The following FJX1 variants were observed in gnomAD, a reference collection of about 807,000 sequenced individuals.
FJX1 encodes four-jointed box protein 1.
FJX1 carries 21 observed loss-of-function variants against 28.7 expected under a neutral mutation model. The observed-to-expected ratio is 0.73, with a 90% CI of 0.52 to 1.05. The LOEUF is 1.05. Among genes scored for constraint, FJX1 ranks in the 50% least tolerant of loss-of-function variants. FJX1 has a pLI of 0.00. For missense variants in FJX1, 683 were observed against 647.2 expected (o/e 1.06, Z -0.60); for synonymous variants, 363 against 310.0 (o/e 1.17, Z -1.80).
rs888120065 is a variant in FJX1, at chr11:35,618,738, C to T, written c.102C>T (p.Thr34=). The T allele has an allele frequency of 1.6e-6, 2 of 1,253,914 alleles. No individual in the cohort carries two copies. The highest frequency in any genetic ancestry group is 6.4e-5 in the Admixed American group (2 of 31,122). The allele number at this position is 1,253,914 out of a possible 1,614,324, so 77.7% of individuals were successfully genotyped here. Residue 34 remains threonine, a synonymous_variant, in exon 1 of 1, where the codon ACC becomes ACT. Transcript: ENST00000317811. The surrounding 1 kb of genome is among the most constrained non-coding windows in gnomAD (Gnocchi z 4.2). ...GGGGAGGGCTCCTGCCGCCGCGGAC[C>T]GAGCTGCCCGCCTCCCGGCCGCCCG... ...ALWGGLLPPR[T]ELPASRPPED...
rs1850883253 is a variant in FJX1, at chr11:35,620,172, C to T, written c.*222C>T. On this transcript the variant is annotated 3_prime_UTR_variant, in exon 1 of 1. Coordinates refer to ENST00000317811, the MANE Select transcript of FJX1 (RefSeq NM_014344.4). The stretch of plus-strand genomic sequence containing the variant: ...TCACCGAGGCGAGAAGTGTAACATT[C>T]TCTCCACCCAGCTTATAAAAGGATT... The T allele has an allele frequency of 1.5e-6, 1 of 658,432 alleles. No individual in the cohort carries two copies. The highest frequency in any genetic ancestry group is 2.9e-5 in the East Asian group (1 of 34,970). The allele number at this position is 658,432 out of a possible 1,614,324, so 40.8% of individuals were successfully genotyped here. A position where few individuals can be genotyped will look rare whatever the true frequency, so the allele number is the denominator to read the frequency against.
Position 35,618,888 on chromosome 11 carries a change from C to A in FJX1, c.252C>A (p.Leu84=). The A allele has an allele frequency of 7.2e-7, 1 of 1,385,584 alleles. No homozygotes were observed. The highest frequency in any genetic ancestry group is 1.6e-5 in the South Asian group (1 of 61,478). 85.8% of individuals were successfully genotyped at this position (1,385,584 alleles called of 1,614,324 possible). A position where few individuals can be genotyped will look rare whatever the true frequency, so the allele number is the denominator to read the frequency against. Residue 84 remains leucine (L), a synonymous_variant, in exon 1 of 1, where the codon CTC becomes CTA. Coordinates refer to ENST00000317811, the MANE Select transcript of FJX1 (RefSeq NM_014344.4). The surrounding 1 kb of genome is among the most constrained non-coding windows in gnomAD (Gnocchi z 4.2). ...GGSLKTFRAL[L]TLAAGADGPP... Reference sequence around the variant, plus strand: ...CCCTGAAAACTTTCCGGGCGCTGCTCACCCTGGCGGCCGGCGCGGACGGCC... The same window carrying A: ...CCCTGAAAACTTTCCGGGCGCTGCTAACCCTGGCGGCCGGCGCGGACGGCC...
chr11:35,620,627 A>G lies in FJX1; in HGVS notation c.*677A>G, dbSNP rs1850889949. The G allele has an allele frequency of 6.0e-6, 1 of 167,076 alleles. No homozygotes were observed. Among genetic ancestry groups the G allele is most frequent in the Non-Finnish European group, 1.5e-5 (1 of 68,126 alleles). The allele number at this position is 167,076 out of a possible 1,614,324, so 10.3% of individuals were successfully genotyped here. ...AATTCAGGGTCAGCTGTATGCACTA[A>G]GTCAAATAATGAATTTCTTCCTCCC... On this transcript the variant is annotated 3_prime_UTR_variant, in exon 1 of 1. Coordinates refer to ENST00000317811, the MANE Select transcript of FJX1 (RefSeq NM_014344.4).
rs1262990786 is a variant in FJX1, at chr11:35,620,219, A to G, written c.*269A>G. ...GATTCTTTACTGTGCCAGCACGGGG[A>G]TTGGATCCGAAGAAACTGGCTACTG... On this transcript the variant is annotated 3_prime_UTR_variant, in exon 1 of 1. Transcript: ENST00000317811. 1.8e-6 allele frequency: 1 copy of G among 559,556 alleles called. No individual in the cohort carries two copies. The highest frequency in any genetic ancestry group is 3.1e-6 in the Non-Finnish European group (1 of 319,390). The allele number at this position is 559,556 out of a possible 1,614,324, so 34.7% of individuals were successfully genotyped here.
In FJX1 at chr11:35,619,701, G is replaced by A; in HGVS notation, c.1065G>A (p.Lys355=). The A allele has an allele frequency of 6.3e-7, 1 of 1,598,046 alleles. No homozygotes were observed. Among genetic ancestry groups the A allele is most frequent in the Non-Finnish European group, 8.5e-7 (1 of 1,174,268 alleles). The change falls in exon 1 of 1, where the codon AAG becomes AAA. Residue 355 remains lysine, a synonymous_variant. Transcript: ENST00000317811. This position sits in a 1 kb window ranked among gnomAD's most constrained non-coding sequence, Gnocchi z 7.6. ...ACCGGGTAGCAGGCATGTGGGACAA[G>A]TATAACGAGCCGCTGTTGCAGTCAG... ...HGYRVAGMWD[K]YNEPLLQSVC... is the part of the protein sequence containing the mutation.
At position 35,619,041 on chromosome 11, in the gene FJX1, C is replaced by G. The variant is rs1213634738; in HGVS notation, c.405C>G (p.Gly135=). 2 of 1,466,988 alleles carry G rather than the reference C, an allele frequency of 1.4e-6. No individual in the cohort carries two copies. Among genetic ancestry groups the G allele is most frequent in the Non-Finnish European group, 8.9e-7 (1 of 1,121,528 alleles). The allele number at this position is 1,466,988 out of a possible 1,614,324, so 90.9% of individuals were successfully genotyped here. A position where few individuals can be genotyped will look rare whatever the true frequency, so the allele number is the denominator to read the frequency against. The part of the protein sequence containing the change: ...SRGLEEQVPP[G]FSEAQAAAWL... ...GCCTGGAGGAGCAGGTGCCCCCGGG[C>G]TTTTCGGAGGCCCAGGCGGCGGCGT... The change falls in exon 1 of 1, where the codon GGC becomes GGG. Residue 135 remains glycine, a synonymous_variant. Transcript: ENST00000317811. This position sits in a 1 kb window ranked among gnomAD's most constrained non-coding sequence, Gnocchi z 7.6.
Position 35,619,599 on chromosome 11 carries a change from T to A in FJX1, c.963T>A (p.Arg321=). ...SLQWDPRVMQ[R]ATSNLHRGPG... is the part of the protein sequence containing the mutation. ...AGTGGGACCCGCGCGTCATGCAGCG[T>A]GCCACCAGCAACCTGCACCGCGGTC... The change falls in exon 1 of 1, where the codon CGT becomes CGA. Residue 321 remains arginine (R), a synonymous_variant. Transcript: ENST00000317811. The surrounding 1 kb of genome is among the most constrained non-coding windows in gnomAD (Gnocchi z 7.6). The A allele has an allele frequency of 6.2e-7, 1 of 1,608,342 alleles. No homozygotes were observed. The highest frequency in any genetic ancestry group is 8.5e-7 in the Non-Finnish European group (1 of 1,179,780).
chr11:35,619,426 C>A lies in FJX1; in HGVS notation c.790C>A (p.Arg264Ser), dbSNP rs762575886. 1.9e-6 allele frequency: 3 copies of A among 1,597,876 alleles called. No individual in the cohort carries two copies. The highest frequency in any genetic ancestry group is 2.7e-5 in the African/African-American group (2 of 74,936). ...VPAPWRSEDG[R>S]LRPLRDAGGE... is the part of the protein sequence containing the mutation. ...CGCGCCCTGGCGCTCGGAGGACGGC[C>A]GTCTGCGCCCCCTCCGGGATGCCGG... The change falls in exon 1 of 1, where the codon CGT becomes AGT. Residue 264 changes from arginine (R) to serine (S), a missense_variant. Arg to Ser is a moderately radical substitution (Grantham distance 110). Transcript: ENST00000317811. The surrounding 1 kb of genome is among the most constrained non-coding windows in gnomAD (Gnocchi z 7.6).
In FJX1 at chr11:35,619,218, T is replaced by G. The variant is rs1490328174; in HGVS notation, c.582T>G (p.Ser194=). 6.3e-7 allele frequency: 1 copy of G among 1,588,298 alleles called. No individual in the cohort carries two copies. Among genetic ancestry groups the G allele is most frequent in the East Asian group, 2.3e-5 (1 of 43,496 alleles). Residue 194 remains serine, a synonymous_variant, in exon 1 of 1, where the codon TCT becomes TCG. Coordinates refer to ENST00000317811, the MANE Select transcript of FJX1 (RefSeq NM_014344.4). The surrounding 1 kb of genome is among the most constrained non-coding windows in gnomAD (Gnocchi z 7.6). ...AGCAGATTCAGGGCGAGGCCCTGTC[T>G]TACTATCTGGCGCGCCTGCTGGGCC... The part of the protein sequence containing the change: ...NPEQIQGEAL[S]YYLARLLGLQ...
chr11:35,619,055 A>C lies in FJX1; in HGVS notation c.419A>C (p.Gln140Pro). 1.4e-6 allele frequency: 2 copies of C among 1,468,636 alleles called. No homozygotes were observed. The highest frequency in any genetic ancestry group is 2.7e-5 in the South Asian group (2 of 73,196). 91.0% of individuals were successfully genotyped at this position (1,468,636 alleles called of 1,614,324 possible). A position where few individuals can be genotyped will look rare whatever the true frequency, so the allele number is the denominator to read the frequency against. Residue 140 changes from glutamine (Q) to proline (P), a missense_variant, in exon 1 of 1, where the codon CAG (glutamine) becomes CCG (proline). Gln to Pro is a moderately conservative substitution (Grantham distance 76). Transcript: ENST00000317811. The surrounding 1 kb of genome is among the most constrained non-coding windows in gnomAD (Gnocchi z 7.6). ...GTGCCCCCGGGCTTTTCGGAGGCCC[A>C]GGCGGCGGCGTGGCTGGAGGCGGCT... ...EQVPPGFSEA[Q>P]AAAWLEAARG...
Position 35,620,377 on chromosome 11 carries a change from G to A in FJX1, c.*427G>A. The A allele has an allele frequency of 3.6e-6, 1 of 276,654 alleles. No individual in the cohort carries two copies. The highest frequency in any genetic ancestry group is 4.2e-5 in the South Asian group (1 of 23,996). The allele number at this position is 276,654 out of a possible 1,614,324, so 17.1% of individuals were successfully genotyped here. A position where few individuals can be genotyped will look rare whatever the true frequency, so the allele number is the denominator to read the frequency against. ...ATTCTGCAATTTTCTACCAAACAGAGCGCTGGTGGCCCCGGAGCAGGGCTG... is the reference window on the plus strand; with the variant it reads ...ATTCTGCAATTTTCTACCAAACAGAACGCTGGTGGCCCCGGAGCAGGGCTG... On this transcript the variant is annotated 3_prime_UTR_variant, in exon 1 of 1. Transcript: ENST00000317811.
At position 35,619,126 on chromosome 11, in the gene FJX1, A is replaced by T; in HGVS notation, c.490A>T (p.Ser164Cys). ...VALERGGCGR[S>C]SNRLARFADG... The stretch of plus-strand genomic sequence containing the variant: ...CCTGGAGCGCGGGGGTTGCGGGCGC[A>T]GCTCCAACCGACTGGCCCGTTTTGC... Residue 164 changes from serine (S) to cysteine (C), a missense_variant, in exon 1 of 1, where the codon AGC (serine) becomes TGC (cysteine). Ser to Cys is a moderately radical substitution (Grantham distance 112). Transcript: ENST00000317811. This position sits in a 1 kb window ranked among gnomAD's most constrained non-coding sequence, Gnocchi z 7.6. 1 of 1,551,064 alleles carries T rather than the reference A, an allele frequency of 6.4e-7. No homozygotes were observed. The highest frequency in any genetic ancestry group is 8.6e-7 in the Non-Finnish European group (1 of 1,160,700).
rs1850854726 is a variant in FJX1 at position 35,618,779 on chromosome 11, G to C, written c.143G>C (p.Arg48Pro). 21 of 1,256,148 alleles carry C rather than the reference G, an allele frequency of 1.7e-5. No individual in the cohort carries two copies. The highest frequency in any genetic ancestry group is 2.6e-5 in the South Asian group (1 of 39,202). The allele number at this position is 1,256,148 out of a possible 1,614,324, so 77.8% of individuals were successfully genotyped here. The change falls in exon 1 of 1, where the codon CGG becomes CCG. Residue 48 changes from arginine to proline, a missense_variant. Arg to Pro is a moderately radical substitution (Grantham distance 103). Coordinates refer to ENST00000317811, the MANE Select transcript of FJX1 (RefSeq NM_014344.4). The surrounding 1 kb of genome is among the most constrained non-coding windows in gnomAD (Gnocchi z 4.2). ...CGGCCGCCCGAAGACCGACTCCCACGGCGCCCGGCCCGGAGCGGCGGCCCC... is the reference window on the plus strand; with the variant it reads ...CGGCCGCCCGAAGACCGACTCCCACCGCGCCCGGCCCGGAGCGGCGGCCCC... ...ASRPPEDRLP[R>P]RPARSGGPAP... is the part of the protein sequence containing the mutation.
In FJX1 at chr11:35,619,049, A is replaced by C; in HGVS notation, c.413A>C (p.Glu138Ala). The C allele has an allele frequency of 6.8e-7, 1 of 1,465,464 alleles. No homozygotes were observed. The allele number at this position is 1,465,464 out of a possible 1,614,324, so 90.8% of individuals were successfully genotyped here. Residue 138 changes from glutamate to alanine, a missense_variant, in exon 1 of 1, where the codon GAG becomes GCG. By Grantham distance (107) the Glu-to-Ala change is moderately radical. Coordinates refer to ENST00000317811, the MANE Select transcript of FJX1 (RefSeq NM_014344.4). The surrounding 1 kb of genome is among the most constrained non-coding windows in gnomAD (Gnocchi z 7.6). Reference sequence around the variant, plus strand: ...GAGCAGGTGCCCCCGGGCTTTTCGGAGGCCCAGGCGGCGGCGTGGCTGGAG... The same window carrying C: ...GAGCAGGTGCCCCCGGGCTTTTCGGCGGCCCAGGCGGCGGCGTGGCTGGAG... ...LEEQVPPGFS[E>A]AQAAAWLEAA...
chr11:35,618,917 C>T lies in FJX1; in HGVS notation c.281C>T (p.Pro94Leu). The T allele has an allele frequency of 1.4e-6, 2 of 1,416,930 alleles. No individual in the cohort carries two copies. The highest frequency in any genetic ancestry group is 1.8e-6 in the Non-Finnish European group (2 of 1,090,856). 87.8% of individuals were successfully genotyped at this position (1,416,930 alleles called of 1,614,324 possible). A position where few individuals can be genotyped will look rare whatever the true frequency, so the allele number is the denominator to read the frequency against. ...LTLAAGADGP[P>L]RQSRSEPRWH... Reference sequence around the variant, plus strand: ...CTGGCGGCCGGCGCGGACGGCCCGCCCCGGCAGTCCCGGAGCGAGCCCAGG... The same window carrying T: ...CTGGCGGCCGGCGCGGACGGCCCGCTCCGGCAGTCCCGGAGCGAGCCCAGG... Residue 94 changes from proline (P) to leucine (L), a missense_variant, in exon 1 of 1, where the codon CCC becomes CTC. Transcript: ENST00000317811. This position sits in a 1 kb window ranked among gnomAD's most constrained non-coding sequence, Gnocchi z 4.2.
Position 35,619,153 on chromosome 11 carries a change from G to T in FJX1, c.517G>T (p.Asp173Tyr). 1 of 1,573,658 alleles carries T rather than the reference G, an allele frequency of 6.4e-7. No homozygotes were observed. The highest frequency in any genetic ancestry group is 8.5e-7 in the Non-Finnish European group (1 of 1,170,808). The stretch of plus-strand genomic sequence containing the variant: ...CTCCAACCGACTGGCCCGTTTTGCC[G>T]ACGGCACCCGCGCCTGCGTGCGCTA... ...RSSNRLARFADGTRACVRYGI... is the reference protein window; with the variant it reads ...RSSNRLARFAYGTRACVRYGI... The change falls in exon 1 of 1, where the codon GAC becomes TAC. Residue 173 changes from aspartate to tyrosine, a missense_variant. Coordinates refer to ENST00000317811, the MANE Select transcript of FJX1 (RefSeq NM_014344.4). This position sits in a 1 kb window ranked among gnomAD's most constrained non-coding sequence, Gnocchi z 7.6.
chr11:35,619,255 G>A lies in FJX1; in HGVS notation c.619G>A (p.Val207Met), dbSNP rs190229494. Residue 207 changes from valine to methionine, a missense_variant, in exon 1 of 1, where the codon GTG becomes ATG. By Grantham distance (21) the Val-to-Met change is conservative. Transcript: ENST00000317811. The surrounding 1 kb of genome is among the most constrained non-coding windows in gnomAD (Gnocchi z 7.6). ...GCGCCTGCTGGGCCTCCAGCGCCAC[G>A]TGCCGCCGCTGGCACTGGCTCGGGT... is the stretch of plus-strand genomic sequence containing the variant. ...LARLLGLQRH[V>M]PPLALARVEA... The A allele has an allele frequency of 1.1e-5, 18 of 1,569,772 alleles. No homozygotes were observed. In the East Asian group the frequency reaches 4.2e-4, roughly 37 times the overall value.
rs752538855 is a variant in FJX1 at position 35,619,447 on chromosome 11, G to A, written c.811G>A (p.Ala271Thr). ...CGGCCGTCTGCGCCCCCTCCGGGAT[G>A]CCGGGGGTGAGCTGGCCAACCTCAG... Reference protein sequence around the residue: ...EDGRLRPLRDAGGELANLSQA... With the variant: ...EDGRLRPLRDTGGELANLSQA... The change falls in exon 1 of 1, where the codon GCC becomes ACC. Residue 271 changes from alanine (A) to threonine (T), a missense_variant. Ala to Thr is a moderately conservative substitution (Grantham distance 58, BLOSUM62 0). Transcript: ENST00000317811. The surrounding 1 kb of genome is among the most constrained non-coding windows in gnomAD (Gnocchi z 7.6). 37 of 1,598,668 alleles carry A rather than the reference G, an allele frequency of 2.3e-5. No individual in the cohort carries two copies. Among genetic ancestry groups the A allele is most frequent in the Non-Finnish European group, 2.9e-5 (34 of 1,179,612 alleles).
At position 35,618,864 on chromosome 11, in the gene FJX1, C is replaced by A. The variant is rs911291534; in HGVS notation, c.228C>A (p.Ser76=). 7.3e-7 allele frequency: 1 copy of A among 1,362,676 alleles called. No homozygotes were observed. The highest frequency in any genetic ancestry group is 1.5e-5 in the African/African-American group (1 of 65,596). The allele number at this position is 1,362,676 out of a possible 1,614,324, so 84.4% of individuals were successfully genotyped here. A position where few individuals can be genotyped will look rare whatever the true frequency, so the allele number is the denominator to read the frequency against. Residue 76 remains serine, a synonymous_variant, in exon 1 of 1, where the codon TCC becomes TCA. Transcript: ENST00000317811. The surrounding 1 kb of genome is among the most constrained non-coding windows in gnomAD (Gnocchi z 4.2). ...PPLAWDARGG[S]LKTFRALLTL... Reference sequence around the variant, plus strand: ...TGGCGTGGGACGCCCGCGGCGGCTCCCTGAAAACTTTCCGGGCGCTGCTCA... The same window carrying A: ...TGGCGTGGGACGCCCGCGGCGGCTCACTGAAAACTTTCCGGGCGCTGCTCA...
Sources: gnomAD v4.1 joint callset for allele counts on GRCh38, gnomAD v4.1.1 for gene constraint, Gnocchi (gnomAD v3.1) non-coding constraint, MANE v1.5 for transcripts, NCBI Gene and HGNC (gene_info 2026-07-23, HGNC 2026-07-21) for gene names.